CTNNA2: variants seen among roughly 807,000 people sequenced by gnomAD.
The protein encoded by CTNNA2 is catenin alpha 2.
In CTNNA2, 42 loss-of-function variants were observed where a neutral mutation model predicts 101.0. The ratio of observed to expected loss-of-function variants is 0.42; its 90% CI spans 0.32 to 0.54. CTNNA2 has a LOEUF of 0.54. CTNNA2 is among the 20% of genes least tolerant of loss of function. CTNNA2 has a pLI of 0.14. For missense variants in CTNNA2, 871 were observed against 1,223.1 expected (o/e 0.71, Z 4.29); for synonymous variants, 450 against 456.4 (o/e 0.99, Z 0.18).
At chr2:79,329,216 A>G (rs192399981) in intron 3 of CTNNA2, among the ~76,000 whole-genome samples, 1 of 152,284 alleles carries the variant, frequency 6.6e-6, no homozygotes, top group East Asian at 1.9e-4. Context: ...TAAGGCCTCA[A>G]ATAGCAGGGC....
chr2:79,699,875 A>G (rs1684890306), intron 2 of CTNNA2, among the ~76,000 whole-genome samples: 1 of 148,214 alleles, frequency 6.7e-6, no homozygotes, highest in South Asian at 2.1e-4. Context: ...ATGTGTGTAT[A>G]TATGTATATA....
intron 3 of CTNNA2, among the ~76,000 whole-genome samples, chr2:79,332,890 A>G (rs971017636): frequency 2.0e-5 from 3 of 152,108 alleles, no homozygotes; most frequent in Non-Finnish European, 2.9e-5. Flanking sequence ...AAATTCACTA[A>G]TGCTCCAATG....
At chr2:80,059,853 C>T (rs992029274) in intron 7 of CTNNA2, among the ~76,000 whole-genome samples, 1 of 152,180 alleles carries the variant, frequency 6.6e-6, no homozygotes, top group African/African-American at 2.4e-5. Flanking sequence ...TTCATAGCAG[C>T]CGTAACCATT....
At chr2:79,687,837 A>T (rs1035023369) in intron 2 of CTNNA2, 30 of 411,178 alleles carry the variant, frequency 7.3e-5, no homozygotes, top group African/African-American at 6.2e-4. Context: ...GCAAGCCCTG[A>T]TTCAGTTTTT....
intron 2 of CTNNA2, among the ~76,000 whole-genome samples, chr2:79,694,540 G>T (rs1051655731): frequency 6.6e-6 from 1 of 151,306 alleles, no homozygotes; most frequent in Non-Finnish European, 1.5e-5. Flanking sequence ...TTTCATTTCT[G>T]TGTTTTTTTT....
At chr2:79,187,516 A>G (rs919916645) in intron 1 of CTNNA2, among the ~76,000 whole-genome samples, 10 of 152,140 alleles carry the variant, frequency 6.6e-5, no homozygotes, top group Admixed American at 4.6e-4. Flanking sequence ...CAGAAAAGCT[A>G]TGACCCAATA....
intron 2 of CTNNA2, among the ~76,000 whole-genome samples, chr2:79,298,496 G>C (rs10207369): frequency 0.12 from 17,775 of 152,030 alleles, 1,366 homozygotes; most frequent in African/African-American, 0.22. Flanking sequence ...CAAAAATCTG[G>C]GTTATTTGAT....
intron 9 of CTNNA2, among the ~76,000 whole-genome samples, chr2:80,524,896 C>G (rs1173845967): frequency 1.3e-5 from 2 of 152,170 alleles, no homozygotes; most frequent in Non-Finnish European, 2.9e-5. Context: ...TCTGTATTAT[C>G]TCATTAGATG....
chr2:79,982,472 TACACACAC>T (rs60316453), intron 7 of CTNNA2, among the ~76,000 whole-genome samples: 5 of 139,714 alleles, frequency 3.6e-5, no homozygotes, highest in African/African-American at 7.9e-5. Context: ...GACTCCTAAC[TACACACAC>T]ACACACACAC....
intron 9 of CTNNA2, among the ~76,000 whole-genome samples, chr2:80,495,500 A>T (rs1419553870): frequency 6.6e-6 from 1 of 152,214 alleles, no homozygotes; most frequent in African/African-American, 2.4e-5. Flanking sequence ...AAAGGAAGAA[A>T]GAGAGAAATA....
chr2:79,628,504 C>T (rs1485981635), intron 1 of CTNNA2, among the ~76,000 whole-genome samples: 6 of 151,070 alleles, frequency 4.0e-5, no homozygotes, highest in African/African-American at 1.2e-4. Context: ...AACTGTAGAA[C>T]AACGAAATTT....
chr2:79,921,296 C>T (rs186455996), intron 7 of CTNNA2, among the ~76,000 whole-genome samples: 7 of 152,192 alleles, frequency 4.6e-5, no homozygotes, highest in East Asian at 1.9e-4. Flanking sequence ...GGGTTAAAAA[C>T]GGGGTTTCTT....
chr2:79,363,481 G>A (rs893432111), intron 3 of CTNNA2, among the ~76,000 whole-genome samples: 2 of 151,482 alleles, frequency 1.3e-5, no homozygotes, highest in South Asian at 4.2e-4. Flanking sequence ...ATAATTTAAC[G>A]TATGTAAAGT....
chr2:79,412,398 A>T (rs1006465395), intron 4 of CTNNA2, among the ~76,000 whole-genome samples: 116 of 152,212 alleles, frequency 7.6e-4, no homozygotes, highest in Middle Eastern at 3.4e-3. Context: ...AGCAGACCTA[A>T]TAGACATCTA....
intron 2 of CTNNA2, among the ~76,000 whole-genome samples, chr2:79,221,225 T>C (rs1483163445): frequency 1.3e-5 from 2 of 152,222 alleles, no homozygotes; most frequent in Admixed American, 6.5e-5. Flanking sequence ...CACTGCTCAC[T>C]GCTGCAGCCT....
intron 18 of CTNNA2, among the ~76,000 whole-genome samples, chr2:80,639,250 C>G (rs1433448876): frequency 6.6e-6 from 1 of 152,154 alleles, no homozygotes; most frequent in Admixed American, 6.5e-5. Context: ...GTTTCTGTCA[C>G]CCAGGGTGGA....
chr2:79,685,275 A>G (rs1427789461), intron 2 of CTNNA2, among the ~76,000 whole-genome samples: 1 of 152,234 alleles, frequency 6.6e-6, no homozygotes, highest in Non-Finnish European at 1.5e-5. Context: ...CATTGAACAA[A>G]TATGAATCGT....
At chr2:79,493,641 C>T (rs1357757607) in intron 4 of CTNNA2, 3 of 152,132 alleles carry the variant, frequency 2.0e-5, no homozygotes, top group Non-Finnish European at 4.4e-5. Context: ...TCTTAAAAAT[C>T]CTGGAATTGG....
At chr2:80,407,319 G>A (rs1054536220) in intron 8 of CTNNA2, among the ~76,000 whole-genome samples, 1 of 152,182 alleles carries the variant, frequency 6.6e-6, no homozygotes, top group African/African-American at 2.4e-5. Flanking sequence ...TTATAAGTAA[G>A]CAGTGGGTAA....
Sources: gnomAD v4.1 joint callset for allele counts (sites outside exome capture counted in the v4.1 genomes callset) on GRCh38, gnomAD v4.1.1 for gene constraint, MANE v1.5 for transcripts, NCBI Gene and HGNC (gene_info 2026-07-23, HGNC 2026-07-21) for gene names.